GPM6A: variants seen among roughly 807,000 people sequenced by gnomAD.
The protein encoded by GPM6A is neuronal membrane glycoprotein M6-a.
In GPM6A, 7 loss-of-function variants were observed where a neutral mutation model predicts 32.1. That is an observed-to-expected ratio of 0.22 (90% CI 0.12 to 0.41). The LOEUF (loss-of-function observed/expected upper bound fraction) is 0.41, where lower values mean the gene tolerates loss of function less well. Among genes scored for constraint, GPM6A ranks in the 10% least tolerant of loss-of-function variants. The probability of loss-of-function intolerance (pLI) is 1.00; values close to 1 mark genes in which losing one functional copy is unlikely to be tolerated. For synonymous variants in GPM6A, 130 were observed against 123.4 expected, an observed-to-expected ratio of 1.05 and a Z score of -0.35; for missense variants, 235 against 347.2, an observed-to-expected ratio of 0.68 and a Z score of 2.57.
At chr4:175,887,528 C>CA (rs1553998657) in intron 1 of GPM6A, among the ~76,000 whole-genome samples, 1 of 151,606 alleles carries the variant, frequency 6.6e-6, no homozygotes, top group Non-Finnish European at 1.5e-5. Context: ...ACACTGATCA[C>CA]AAGAAGCAAT....
chr4:175,962,110 C>T, intron 1 of GPM6A: 1 of 756,066 alleles, frequency 1.3e-6, no homozygotes, highest in Non-Finnish European at 2.5e-6. Flanking sequence ...GTAGCCCATG[C>T]TGTGCACCAT....
chr4:175,730,720 C>T (rs1488169056), intron 1 of GPM6A, among the ~76,000 whole-genome samples: 2 of 152,154 alleles, frequency 1.3e-5, no homozygotes, highest in South Asian at 2.1e-4. Context: ...GTGATTCACC[C>T]GCCTCGGCCT....
intron 1 of GPM6A, among the ~76,000 whole-genome samples, chr4:175,721,330 G>A (rs1746122572): frequency 6.6e-6 from 1 of 151,604 alleles, no homozygotes; most frequent in African/African-American, 2.4e-5. Flanking sequence ...ACAAAAATTA[G>A]CCGAGTGTGG....
rs199511461 is a variant in GPM6A, at chr4:175,640,114, G to A, written c.684+15C>T. On this transcript the variant is annotated intron_variant, in intron 6 of 6. Transcript: ENST00000393658. Reference sequence around the variant, plus strand: ...TTCACATTGAAAACCAAGCACCAGCGCTTTGAGGTCTTACCATAGCAATGA... The same window carrying A: ...TTCACATTGAAAACCAAGCACCAGCACTTTGAGGTCTTACCATAGCAATGA... The A allele has an allele frequency of 3.3e-5, 53 of 1,597,548 alleles. No individual in the cohort carries two copies. The highest frequency in any genetic ancestry group is 1.2e-4 in the Admixed American group (7 of 59,958).
intron 1 of GPM6A, among the ~76,000 whole-genome samples, chr4:175,881,859 A>G (rs1379884767): frequency 6.6e-6 from 1 of 151,664 alleles, no homozygotes; most frequent in Non-Finnish European, 1.5e-5. Flanking sequence ...GAGGAGGGGG[A>G]GGGATAGCAT....
chr4:175,734,817 G>A (rs1209566012), intron 1 of GPM6A, among the ~76,000 whole-genome samples: 1 of 152,076 alleles, frequency 6.6e-6, no homozygotes, highest in Non-Finnish European at 1.5e-5. Flanking sequence ...AGGTTGCAGT[G>A]AGCCGAGATT....
intron 1 of GPM6A, among the ~76,000 whole-genome samples, chr4:175,770,306 G>A (rs142605062): frequency 0.012 from 1,753 of 152,282 alleles, 40 homozygotes; most frequent in African/African-American, 0.04. Flanking sequence ...GGTTACAGGC[G>A]TGAGCCACTG....
intron 1 of GPM6A, among the ~76,000 whole-genome samples, chr4:175,781,006 T>C (rs1733593078): frequency 6.6e-6 from 1 of 152,054 alleles, no homozygotes; most frequent in South Asian, 2.1e-4. Flanking sequence ...ATCCATCAAT[T>C]AGAAGGGCAA....
intron 1 of GPM6A, among the ~76,000 whole-genome samples, chr4:175,744,419 G>C (rs1016331875): frequency 1.3e-5 from 2 of 151,866 alleles, no homozygotes; most frequent in African/African-American, 4.8e-5. Context: ...AAGACTACAA[G>C]TCGATGATCT....
chr4:175,635,686 T>C (rs778708402), intron 6 of GPM6A, among the ~76,000 whole-genome samples: 8 of 152,166 alleles, frequency 5.3e-5, no homozygotes, highest in Non-Finnish European at 7.4e-5. Flanking sequence ...TGGTTTGTCT[T>C]GAGTAATGAA....
At chr4:175,746,086 G>T (rs17061956) in intron 1 of GPM6A, among the ~76,000 whole-genome samples, 5,046 of 152,204 alleles carry the variant, frequency 0.033, 125 homozygotes, top group South Asian at 0.086. Flanking sequence ...CTGCTAAACT[G>T]AAAGTGGACA....
intron 1 of GPM6A, among the ~76,000 whole-genome samples, chr4:175,793,264 C>T (rs1324098851): frequency 6.6e-6 from 1 of 152,098 alleles, no homozygotes; most frequent in Non-Finnish European, 1.5e-5. Context: ...TATCCAGGAC[C>T]CTGTTGGTGG....
In GPM6A at chr4:175,635,025, C is replaced by T; in HGVS notation, c.717G>A (p.Trp239Ter). 6.2e-7 allele frequency: 1 copy of T among 1,613,680 alleles called. No homozygotes were observed. The highest frequency in any genetic ancestry group is 8.5e-7 in the Non-Finnish European group (1 of 1,179,772). Reference protein sequence around the residue: ...VHYLMVLSANWAYVKDACRMQ... With the variant: ...VHYLMVLSAN ...TCCGGCAGGCGTCTTTCACATAGGC[C>T]CAGTTGGCAGACAGAACCATAAGGT... Residue 239 changes from tryptophan (W) to a stop codon, truncating the protein, a stop_gained, in exon 7 of 7, where the codon TGG becomes TGA. Coordinates refer to ENST00000393658, the MANE Select transcript of GPM6A (RefSeq NM_201591.3). LOFTEE classifies it high-confidence loss of function.
At chr4:175,636,449 CA>C (rs1412962729) in intron 6 of GPM6A, among the ~76,000 whole-genome samples, 1 of 151,136 alleles carries the variant, frequency 6.6e-6, no homozygotes, top group Non-Finnish European at 1.5e-5. Context: ...TTTCAATCTT[CA>C]AAAACTTTTC....
At chr4:175,748,146 C>G (rs762087014) in intron 1 of GPM6A, among the ~76,000 whole-genome samples, 1 of 152,080 alleles carries the variant, frequency 6.6e-6, no homozygotes, top group Admixed American at 6.6e-5. Flanking sequence ...AAGTCTTGAA[C>G]CCCTCAAAGT....
At chr4:175,843,085 G>A (rs112471910) in intron 1 of GPM6A, among the ~76,000 whole-genome samples, 3 of 151,800 alleles carry the variant, frequency 2.0e-5, no homozygotes, top group Non-Finnish European at 4.4e-5. Flanking sequence ...CTTCAAGCAG[G>A]AAATCTTTCA....
intron 1 of GPM6A, among the ~76,000 whole-genome samples, chr4:175,709,001 C>T (rs558755313): frequency 1.6e-4 from 24 of 152,264 alleles, no homozygotes; most frequent in South Asian, 6.2e-4. Context: ...TGATCTAATA[C>T]GCTGATGTTT....
chr4:175,676,965 T>G (rs1743405224), intron 2 of GPM6A, among the ~76,000 whole-genome samples: 1 of 152,168 alleles, frequency 6.6e-6, no homozygotes, highest in African/African-American at 2.4e-5. Context: ...ACTGGTCACA[T>G]ATATATCCTT....
chr4:175,684,240 C>CAA (rs1743848768), intron 2 of GPM6A, among the ~76,000 whole-genome samples: 1 of 152,196 alleles, frequency 6.6e-6, no homozygotes, highest in South Asian at 2.1e-4. Flanking sequence ...TTCTAGTTTG[C>CAA]CATTTGTCTT....
Sources: gnomAD v4.1 joint callset for allele counts (sites outside exome capture counted in the v4.1 genomes callset) on GRCh38, gnomAD v4.1.1 for gene constraint, MANE v1.5 for transcripts, NCBI Gene and HGNC (gene_info 2026-07-23, HGNC 2026-07-21) for gene names.